The following SH3TC1 variants were observed in gnomAD, a reference collection of about 807,000 sequenced individuals.
SH3TC1 encodes the protein SH3 domain and tetratricopeptide repeats 1.
In SH3TC1, 135 loss-of-function variants were observed where a neutral mutation model predicts 117.3. That is an observed-to-expected ratio of 1.15 (90% confidence interval 1.00 to 1.33). The LOEUF (loss-of-function observed/expected upper bound fraction) is 1.33. SH3TC1 is among the 40% of genes most tolerant of loss of function. The pLI, the probability that SH3TC1 is intolerant of heterozygous loss-of-function variation, is 0.00. For synonymous variants in SH3TC1, 898 were observed against 816.9 expected, an observed-to-expected ratio of 1.10 and a Z score of -1.69; for missense variants, 2,092 against 1,794.3, an observed-to-expected ratio of 1.17 and a Z score of -3.00.
rs368606960 is a variant in SH3TC1, at chr4:8,228,534, A to C, written c.2840A>C (p.His947Pro). 9 of 1,610,802 alleles carry C rather than the reference A, an allele frequency of 5.6e-6. No individual in the cohort carries two copies. In the South Asian group the frequency reaches 7.7e-5, roughly 14 times the overall value. Reference protein sequence around the residue: ...PLGECGRDFTHVLLQLGHLCT... With the variant: ...PLGECGRDFTPVLLQLGHLCT... ...GGGGAGTGTGGCCGGGACTTCACCCACGTGCTCCTGCAGCTGGGCCATCTC... is the reference window on the plus strand; with the variant it reads ...GGGGAGTGTGGCCGGGACTTCACCCCCGTGCTCCTGCAGCTGGGCCATCTC... Residue 947 changes from histidine (H) to proline (P), a missense_variant, in exon 12 of 18, where the codon CAC becomes CCC. His to Pro is a moderately conservative substitution (Grantham distance 77). Transcript: ENST00000245105.
At chr4:8,231,916 C>G in intron 12 of SH3TC1, 60 bp from the exon 13 acceptor site, 1 of 1,581,368 alleles carries the variant, frequency 6.3e-7, no homozygotes, top group Non-Finnish European at 8.6e-7. Context: ...GGCCTCTGAG[C>G]CCAGCCAGCC....
At position 8,209,750 on chromosome 4, in the gene SH3TC1, G is replaced by T; in HGVS notation, c.175G>T (p.Glu59Ter). The T allele has an allele frequency of 1.2e-6, 2 of 1,613,788 alleles. No homozygotes were observed. Among genetic ancestry groups the T allele is most frequent in the South Asian group, 2.2e-5 (2 of 91,054 alleles). ...CCTGGGAACCTGCTGTGTTGCAGAC[G>T]AGGCTCCTCCTGCCCGCGTGGCTGG... ...EEAKAPVRGD[E>*]APPARVAGPA... is the part of the protein sequence containing the mutation. Residue 59 changes from glutamate to a stop codon, truncating the protein, a stop_gained and splice_region_variant, in exon 3 of 18, where the codon GAG (glutamate) becomes TAG (stop). Coordinates refer to ENST00000245105, the MANE Select transcript of SH3TC1 (RefSeq NM_018986.5). LOFTEE classifies it high-confidence loss of function. This position sits in a 1 kb window ranked among gnomAD's most constrained non-coding sequence, Gnocchi z 5.9.
intron 13 of SH3TC1, 59 bp from the exon 14 acceptor site, chr4:8,233,304 A>G: frequency 6.5e-7 from 1 of 1,545,282 alleles, no homozygotes. Flanking sequence ...CCACGGGAGG[A>G]GGCAGACTGG....
chr4:8,216,154 C>T lies in SH3TC1; in HGVS notation c.525C>T (p.Ala175=), dbSNP rs1298985008. The T allele has an allele frequency of 2.5e-6, 4 of 1,613,674 alleles. No homozygotes were observed. The highest frequency in any genetic ancestry group is 3.4e-6 in the Non-Finnish European group (4 of 1,180,032). Residue 175 remains alanine, a synonymous_variant, in exon 6 of 18, where the codon GCC becomes GCT. Coordinates refer to ENST00000245105, the MANE Select transcript of SH3TC1 (RefSeq NM_018986.5). ...HCLANLLMDQ[A]FWLLLPSEEE... ...TGGCAAACCTGCTCATGGACCAGGC[C>T]TTCTGGCTGCTCTTGCCCAGTGAGG...
In SH3TC1 at chr4:8,227,273, A is replaced by T; in HGVS notation, c.1579A>T (p.Ser527Cys). 1 of 1,604,456 alleles carries T rather than the reference A, an allele frequency of 6.2e-7. No homozygotes were observed. The highest frequency in any genetic ancestry group is 8.5e-7 in the Non-Finnish European group (1 of 1,175,974). The change falls in exon 12 of 18, where the codon AGC (serine) becomes TGC (cysteine). Residue 527 changes from serine to cysteine, a missense_variant. Ser to Cys is a moderately radical substitution (Grantham distance 112). Coordinates refer to ENST00000245105, the MANE Select transcript of SH3TC1 (RefSeq NM_018986.5). Reference protein sequence around the residue: ...GLYDVALPWLSSVFRSFSDEE... With the variant: ...GLYDVALPWLCSVFRSFSDEE... ...GTACGATGTGGCGCTGCCGTGGCTG[A>T]GCAGCGTGTTCCGCAGCTTCAGCGA...
At chr4:8,211,219 C>T (rs558017106) in intron 3 of SH3TC1, among the ~76,000 whole-genome samples, 2 of 83,626 alleles carry the variant, frequency 2.4e-5, no homozygotes, top group African/African-American at 1.0e-4. Context: ...CCTCCCTCTC[C>T]CCCTTCTGGT....
Position 8,227,078 on chromosome 4 carries a change from G to A in SH3TC1, c.1384G>A (p.Glu462Lys), listed in dbSNP as rs1478666472. The A allele has an allele frequency of 5.0e-6, 8 of 1,611,090 alleles. No homozygotes were observed. Among genetic ancestry groups the A allele is most frequent in the Non-Finnish European group, 6.8e-6 (8 of 1,178,752 alleles). ...CAAGACCTGCCCAGGCTGCCCCCAGGAGCCAGCGTCCTGGGGTCTCTGTGC... is the reference window on the plus strand; with the variant it reads ...CAAGACCTGCCCAGGCTGCCCCCAGAAGCCAGCGTCCTGGGGTCTCTGTGC... ...QCKTCPGCPQEPASWGLCAAS... is the reference protein window; with the variant it reads ...QCKTCPGCPQKPASWGLCAAS... The change falls in exon 12 of 18, where the codon GAG becomes AAG. Residue 462 changes from glutamate (E) to lysine (K), a missense_variant. By Grantham distance (56) the Glu-to-Lys change is moderately conservative. Coordinates refer to ENST00000245105, the MANE Select transcript of SH3TC1 (RefSeq NM_018986.5).
At chr4:8,231,859 TG>T in intron 12 of SH3TC1, 116 bp from the exon 13 acceptor site, 2 of 1,228,748 alleles carry the variant, frequency 1.6e-6, no homozygotes, top group Non-Finnish European at 1.1e-6. Flanking sequence ...TCCCCGCCTG[TG>T]GGGCCCAGGC....
Position 8,226,212 on chromosome 4 carries a change from G to A in SH3TC1, c.1286-768G>A, listed in dbSNP as rs540942546. Among the ~76,000 whole-genome samples the A allele has an allele frequency of 3.9e-5, 6 of 152,272 alleles. No homozygotes were observed. In the South Asian group the frequency reaches 8.3e-4, roughly 21 times the overall value. Reference sequence around the variant, plus strand: ...TCCCAGGTTTTCCAACAGGAAATGCGCTTGTTTGCTCACCTCTGGGAGGGG... The same window carrying A: ...TCCCAGGTTTTCCAACAGGAAATGCACTTGTTTGCTCACCTCTGGGAGGGG... On this transcript the variant is annotated intron_variant, in intron 11 of 17. Coordinates refer to ENST00000245105, the MANE Select transcript of SH3TC1 (RefSeq NM_018986.5).
chr4:8,228,613 T>G lies in SH3TC1; in HGVS notation c.2919T>G (p.Leu973=). ...QQGKGYYEWA[L]LVAVEMGHVE... is the part of the protein sequence containing the mutation. ...GCAAGGGCTACTACGAGTGGGCCCT[T>G]CTGGTCGCCGTGGAGATGGGCCACG... Residue 973 remains leucine, a synonymous_variant, in exon 12 of 18, where the codon CTT becomes CTG. Coordinates refer to ENST00000245105, the MANE Select transcript of SH3TC1 (RefSeq NM_018986.5). 6.5e-7 allele frequency: 1 copy of G among 1,530,966 alleles called. No individual in the cohort carries two copies. The highest frequency in any genetic ancestry group is 1.3e-5 in the South Asian group (1 of 77,928). 94.8% of individuals were successfully genotyped at this position (1,530,966 alleles called of 1,614,324 possible). A position where few individuals can be genotyped will look rare whatever the true frequency, so the allele number is the denominator to read the frequency against.
At chr4:8,213,467 A>AG (rs1718930249) in intron 4 of SH3TC1, among the ~76,000 whole-genome samples, 2 of 152,224 alleles carry the variant, frequency 1.3e-5, no homozygotes, top group African/African-American at 4.8e-5. Context: ...AAGCACCTGC[A>AG]GGCTGCTGGA....
Position 8,209,694 on chromosome 4 carries a change from G to A in SH3TC1, c.173-54G>A. The stretch of plus-strand genomic sequence containing the variant: ...ACCTGGAGCGTTTGGCGCCTTCAGA[G>A]GAGCCAGGCCTTTGCTTGGTCTCCC... On this transcript the variant is annotated intron_variant, in intron 2 of 17. Coordinates refer to ENST00000245105, the MANE Select transcript of SH3TC1 (RefSeq NM_018986.5). This position sits in a 1 kb window ranked among gnomAD's most constrained non-coding sequence, Gnocchi z 5.9. 3 of 1,610,250 alleles carry A rather than the reference G, an allele frequency of 1.9e-6. No homozygotes were observed. Among genetic ancestry groups the A allele is most frequent in the South Asian group, 1.1e-5 (1 of 90,194 alleles).
intron 16 of SH3TC1, 165 bp downstream of exon 16, chr4:8,236,593 C>CGAGGTCCTTCACTCAGTGCA: frequency 1.1e-6 from 1 of 910,888 alleles, no homozygotes; most frequent in Non-Finnish European, 1.6e-6. Flanking sequence ...GGGCACAGCC[C>CGAGGTCCTTCACTCAGTGCA]GAGGTCCTTC....
At position 8,205,648 on chromosome 4, in the gene SH3TC1, C is replaced by T. The variant is rs367563437; in HGVS notation, c.172+282C>T. 2.7e-5 allele frequency: 21 copies of T among 765,088 alleles called. No individual in the cohort carries two copies. The Admixed American group carries it at 3.2e-4, about 12-fold the overall frequency. 47.4% of individuals were successfully genotyped at this position (765,088 alleles called of 1,614,324 possible). ...AAGAACGAGGCAGGGGCCTTTGAACCCCCATGTTCAGAGACCGTTCCAGAA... is the reference window on the plus strand; with the variant it reads ...AAGAACGAGGCAGGGGCCTTTGAACTCCCATGTTCAGAGACCGTTCCAGAA... On this transcript the variant is annotated intron_variant, in intron 2 of 17. Coordinates refer to ENST00000245105, the MANE Select transcript of SH3TC1 (RefSeq NM_018986.5). This position sits in a 1 kb window ranked among gnomAD's most constrained non-coding sequence, Gnocchi z 5.4.
intron 5 of SH3TC1, among the ~76,000 whole-genome samples, chr4:8,214,939 C>G (rs1180176186): frequency 6.6e-6 from 1 of 152,202 alleles, no homozygotes; most frequent in Non-Finnish European, 1.5e-5. Flanking sequence ...GCCCGCCTTG[C>G]CCTCCCAAAG....
At chr4:8,215,323 A>T (rs943047979) in intron 5 of SH3TC1, 11 of 445,144 alleles carry the variant, frequency 2.5e-5, no homozygotes, top group Non-Finnish European at 5.0e-5. Context: ...ATCTTGCGAC[A>T]CCACCCTTGA....
In SH3TC1 at chr4:8,186,488, TAGC is replaced by T. The variant is rs982252109; in HGVS notation, c.-57+4281_-57+4283del. Among the ~76,000 whole-genome samples, 1 of 152,080 alleles carries T rather than the reference TAGC, an allele frequency of 6.6e-6. No homozygotes were observed. Among genetic ancestry groups the T allele is most frequent in the Non-Finnish European group, 1.5e-5 (1 of 68,020 alleles). On this transcript the variant is annotated intron_variant, in intron 1 of 16. Coordinates refer to the SH3TC1 transcript ENST00000508641. The surrounding 1 kb of genome is among the most constrained non-coding windows in gnomAD (Gnocchi z 5.2). ...GTCGAGTGTGAATTGTGAGTAAAAATAGCAGGTCCACGTTGGTTTACTGAATGT... is the reference window on the plus strand; with the variant it reads ...GTCGAGTGTGAATTGTGAGTAAAAATAGGTCCACGTTGGTTTACTGAATGT...
In SH3TC1 at chr4:8,210,501, G is replaced by A. The variant is rs1718566339; in HGVS notation, c.247+679G>A. Among the ~76,000 whole-genome samples, 2 of 152,252 alleles carry A rather than the reference G, an allele frequency of 1.3e-5. No homozygotes were observed. Among genetic ancestry groups the A allele is most frequent in the African/African-American group, 4.8e-5 (2 of 41,466 alleles). ...AATTTGAAAATGCAGGCTGGGCGCG[G>A]TGGCTCACGCCTGTAATCCCAGCAC... On this transcript the variant is annotated intron_variant, in intron 3 of 17. Coordinates refer to ENST00000245105, the MANE Select transcript of SH3TC1 (RefSeq NM_018986.5). This position sits in a 1 kb window ranked among gnomAD's most constrained non-coding sequence, Gnocchi z 4.1.
chr4:8,222,780 A>T, intron 9 of SH3TC1, 60 bp from the exon 10 acceptor site: 2 of 1,581,080 alleles, frequency 1.3e-6, no homozygotes, highest in Non-Finnish European at 1.7e-6. Flanking sequence ...AAATGTGCTT[A>T]GTGTGAAATG....
Sources: gnomAD v4.1 joint callset for allele counts (sites outside exome capture counted in the v4.1 genomes callset) on GRCh38, gnomAD v4.1.1 for gene constraint, Gnocchi (gnomAD v3.1) non-coding constraint, MANE v1.5 for transcripts, NCBI Gene and HGNC (gene_info 2026-07-23, HGNC 2026-07-21) for gene names.